CCDC63: variants seen among roughly 807,000 people sequenced by gnomAD.
The protein encoded by CCDC63 is coiled-coil domain containing 63, also known as coiled-coil domain-containing protein 63.
CCDC63 carries 54 observed loss-of-function variants against 63.6 expected under a neutral mutation model. That is an observed-to-expected ratio of 0.85 (90% CI 0.68 to 1.07). CCDC63 has a LOEUF of 1.07. CCDC63 is among the 50% of genes least tolerant of loss of function. The probability of loss-of-function intolerance (pLI) is 0.00; values close to 1 mark genes in which losing one functional copy is unlikely to be tolerated. For missense variants in CCDC63, 637 were observed against 689.6 expected (o/e 0.92, Z 0.86); for synonymous variants, 253 against 266.1 (o/e 0.95, Z 0.48).
intron 9 of CCDC63, among the ~76,000 whole-genome samples, chr12:110,896,616 G>A (rs963224257): frequency 6.6e-6 from 1 of 152,124 alleles, no homozygotes; most frequent in South Asian, 2.1e-4. Flanking sequence ...CTGAGGGAGA[G>A]GCAGGAATCA....
chr12:110,876,611 A>G (rs1311676175), intron 5 of CCDC63, among the ~76,000 whole-genome samples: 1 of 152,160 alleles, frequency 6.6e-6, no homozygotes, highest in Admixed American at 6.6e-5. Flanking sequence ...TTCTTAGAAC[A>G]TACTTTGAAA....
At chr12:110,904,839 C>CAGATTGAGAGAGAGAGAA in intron 11 of CCDC63, 48 bp downstream of exon 11, 1 of 1,484,692 alleles carries the variant, frequency 6.7e-7, no homozygotes, top group South Asian at 1.3e-5. Flanking sequence ...GGAACCTGTG[C>CAGATTGAGAGAGAGAGAA]CTTCAGGTCT....
At chr12:110,876,879 CAAA>C (rs57300765) in intron 5 of CCDC63, among the ~76,000 whole-genome samples, 1 of 110,970 alleles carries the variant, frequency 9.0e-6, no homozygotes, top group Non-Finnish European at 1.9e-5. Context: ...ACTAAAAATA[CAAA>C]AAAAAAAAAA....
At chr12:110,864,491 C>A (rs2339637) in intron 4 of CCDC63, among the ~76,000 whole-genome samples, 142,077 of 151,352 alleles carry the variant, frequency 0.94, 66,835 homozygotes, top group East Asian at 1. Context: ...TGGGAGGCTG[C>A]GGTGGGAGGA....
chr12:110,890,904 G>A (rs886155262), intron 8 of CCDC63, among the ~76,000 whole-genome samples: 1 of 150,582 alleles, frequency 6.6e-6, no homozygotes, highest in Admixed American at 6.7e-5. Flanking sequence ...AGCCTCCCGA[G>A]TATCTGGGGA....
intron 1 of CCDC63, among the ~76,000 whole-genome samples, chr12:110,850,254 T>G (rs1210790995): frequency 6.6e-6 from 1 of 152,164 alleles, no homozygotes; most frequent in African/African-American, 2.4e-5. Flanking sequence ...GATCTGGAAG[T>G]GACAGACTTC....
At chr12:110,883,987 G>A in intron 7 of CCDC63, 43 bp from the exon 8 acceptor site, 1 of 1,484,884 alleles carries the variant, frequency 6.7e-7, no homozygotes, top group Non-Finnish European at 9.4e-7. Context: ...GATCTGAGGA[G>A]CTTCCTTTTG....
At chr12:110,899,342 A>G (rs112636988) in intron 10 of CCDC63, among the ~76,000 whole-genome samples, 7,538 of 152,188 alleles carry the variant, frequency 0.05, 627 homozygotes, top group African/African-American at 0.17. Flanking sequence ...CTTTTGAGAC[A>G]GGGTCTTGCT....
rs185781235 is a variant in CCDC63, at chr12:110,848,704, C to T, written c.-97+1599C>T. ...TAACCACTTTACAGACATTATTTTG[C>T]GCTGAGATATGGGTGTGGGTATCCC... On this transcript the variant is annotated intron_variant, in intron 1 of 11. Transcript: ENST00000308208. Among the ~76,000 whole-genome samples, 66 of 152,250 alleles carry T rather than the reference C, an allele frequency of 4.3e-4. 1 individual carries two copies. In the East Asian group the frequency reaches 0.01, roughly 24 times the overall value.
At chr12:110,886,406 C>G (rs1458371643) in intron 8 of CCDC63, among the ~76,000 whole-genome samples, 4 of 151,708 alleles carry the variant, frequency 2.6e-5, no homozygotes, top group Non-Finnish European at 5.9e-5. Flanking sequence ...AAAAAAAAAC[C>G]CACCCCAAAA....
At chr12:110,845,654 T>C (rs1257299850), upstream of CCDC63, 3 of 152,194 alleles carry the variant, frequency 2.0e-5, no homozygotes, top group Admixed American at 2.0e-4. Context: ...TGTAATATAC[T>C]GTCCCACTGA....
At chr12:110,865,824 C>T (rs2070940083) in intron 4 of CCDC63, among the ~76,000 whole-genome samples, 1 of 152,244 alleles carries the variant, frequency 6.6e-6, no homozygotes, top group Non-Finnish European at 1.5e-5. Flanking sequence ...CCTACCTCTT[C>T]AAACGTATTG....
chr12:110,850,788 T>C (rs1026502058), intron 1 of CCDC63, among the ~76,000 whole-genome samples: 2 of 152,142 alleles, frequency 1.3e-5, no homozygotes, highest in Non-Finnish European at 2.9e-5. Context: ...CGTCCAGTCT[T>C]TTACAGATCT....
chr12:110,846,467 A>G (rs1425636545), upstream of CCDC63, among the ~76,000 whole-genome samples: 1 of 152,150 alleles, frequency 6.6e-6, no homozygotes, highest in Non-Finnish European at 1.5e-5. Context: ...GATGTTCTGA[A>G]GAAAATTCTC....
At chr12:110,863,650 C>T (rs1010095613) in intron 4 of CCDC63, among the ~76,000 whole-genome samples, 1 of 151,708 alleles carries the variant, frequency 6.6e-6, no homozygotes, top group Admixed American at 6.6e-5. Context: ...AAGCAGTTCT[C>T]CTGCCTCAGC....
chr12:110,896,844 C>T (rs2071420732), intron 9 of CCDC63, among the ~76,000 whole-genome samples: 1 of 152,206 alleles, frequency 6.6e-6, no homozygotes, highest in African/African-American at 2.4e-5. Flanking sequence ...CAGAGCTTCT[C>T]AGACTTTACT....
At chr12:110,847,950 C>A (rs974762333) in intron 1 of CCDC63, among the ~76,000 whole-genome samples, 1 of 152,250 alleles carries the variant, frequency 6.6e-6, no homozygotes, top group African/African-American at 2.4e-5. Context: ...GCTGCCCATG[C>A]GCCCAGGACT....
intron 1 of CCDC63, among the ~76,000 whole-genome samples, chr12:110,851,388 G>A (rs116110934): frequency 0.026 from 4,000 of 152,214 alleles, 63 homozygotes; most frequent in Middle Eastern, 0.051. Flanking sequence ...CTTATCCACC[G>A]AGGTTCAAGT....
intron 3 of CCDC63, among the ~76,000 whole-genome samples, chr12:110,854,544 C>T (rs2070747686): frequency 6.6e-6 from 1 of 152,072 alleles, no homozygotes; most frequent in Non-Finnish European, 1.5e-5. Context: ...ATCCACCCAC[C>T]TCGGCCTCCT....
Sources: gnomAD v4.1 joint callset for allele counts (sites outside exome capture counted in the v4.1 genomes callset) on GRCh38, gnomAD v4.1.1 for gene constraint, MANE v1.5 for transcripts, NCBI Gene and HGNC (gene_info 2026-07-23, HGNC 2026-07-21) for gene names.